The following RFX6 variants were observed in gnomAD, a reference collection of about 807,000 sequenced individuals.
RFX6 encodes the protein regulatory factor X6, also known as DNA-binding protein RFX6.
Under a neutral mutation model 110.8 loss-of-function variants are expected in RFX6, and 50 were observed. The observed-to-expected ratio is 0.45, with a 90% CI of 0.36 to 0.57. The LOEUF (loss-of-function observed/expected upper bound fraction) is 0.57, where lower values mean the gene tolerates loss of function less well. Among genes scored for constraint, RFX6 ranks in the 20% least tolerant of loss-of-function variants. RFX6 has a pLI of 0.00. For synonymous variants in RFX6, 383 were observed against 411.2 expected, an observed-to-expected ratio of 0.93 and a Z score of 0.83; for missense variants, 990 against 1,127.0, an observed-to-expected ratio of 0.88 and a Z score of 1.74.
In RFX6 at chr6:116,913,548, T is replaced by A. The variant is rs9489065; in HGVS notation, c.781-2460T>A. ...TCTGCTCCTGCCCACTCTAGTACAATGTCTATTCTCAGAAAATTGACTAAG... is the reference window on the plus strand; with the variant it reads ...TCTGCTCCTGCCCACTCTAGTACAAAGTCTATTCTCAGAAAATTGACTAAG... On this transcript the variant is annotated intron_variant, in intron 7 of 18. Coordinates refer to ENST00000332958, the MANE Select transcript of RFX6 (RefSeq NM_173560.4). Among the ~76,000 whole-genome samples the A allele has an allele frequency of 8.3e-4, 126 of 152,154 alleles. No individual in the cohort carries two copies. In the East Asian group the frequency reaches 0.018, roughly 22 times the overall value.
intron 6 of RFX6, among the ~76,000 whole-genome samples, chr6:116,905,501 G>A (rs1337609355): frequency 6.6e-6 from 1 of 151,306 alleles, no homozygotes; most frequent in Non-Finnish European, 1.5e-5. Context: ...CCTTTCTACT[G>A]TGATCATAGT....
At chr6:116,911,481 G>T (rs1303164222) in intron 7 of RFX6, among the ~76,000 whole-genome samples, 16 of 152,136 alleles carry the variant, frequency 1.1e-4, no homozygotes, top group Admixed American at 1.0e-3. Context: ...TATGCTAGAT[G>T]AGCATGAACT....
intron 17 of RFX6, among the ~76,000 whole-genome samples, chr6:116,928,454 C>T (rs1415627586): frequency 6.6e-6 from 1 of 152,104 alleles, no homozygotes; most frequent in Admixed American, 6.5e-5. Context: ...GGAAATCTGA[C>T]AGAAGTGTAA....
chr6:116,888,746 G>C (rs1215954142), intron 4 of RFX6, among the ~76,000 whole-genome samples: 5 of 152,014 alleles, frequency 3.3e-5, no homozygotes, highest in African/African-American at 1.2e-4. Flanking sequence ...ATATCTTCTT[G>C]TTATATTACA....
At chr6:116,888,799 C>T (rs1774756319) in intron 4 of RFX6, among the ~76,000 whole-genome samples, 1 of 152,094 alleles carries the variant, frequency 6.6e-6, no homozygotes, top group African/African-American at 2.4e-5. Context: ...ATTTTAGGGT[C>T]ATCTATTAAC....
chr6:116,931,882 C>A lies in RFX6; in HGVS notation c.*376C>A, dbSNP rs369935191. ...AAGTATATTTAATGCCTTTACAATA[C>A]CTTTAATTTATTAGGATCTCAGAAT... On this transcript the variant is annotated 3_prime_UTR_variant, in exon 19 of 19. Transcript: ENST00000332958. 4 of 184,950 alleles carry A rather than the reference C, an allele frequency of 2.2e-5. No homozygotes were observed. Among genetic ancestry groups the A allele is most frequent in the African/African-American group, 9.6e-5 (4 of 41,872 alleles). The allele number at this position is 184,950 out of a possible 1,614,324, so 11.5% of individuals were successfully genotyped here.
intron 17 of RFX6, among the ~76,000 whole-genome samples, chr6:116,927,900 C>G (rs1775784003): frequency 6.6e-6 from 1 of 151,612 alleles, no homozygotes; most frequent in South Asian, 2.1e-4. Context: ...GCATCACCAT[C>G]CCTGTCTATA....
At chr6:116,917,559 C>A (rs1411381071) in intron 9 of RFX6, among the ~76,000 whole-genome samples, 2 of 152,068 alleles carry the variant, frequency 1.3e-5, no homozygotes, top group Admixed American at 6.6e-5. Context: ...CCAAGAAATA[C>A]TTTTAAAACA....
At chr6:116,897,413 G>T (rs1354319795) in intron 6 of RFX6, among the ~76,000 whole-genome samples, 1 of 151,968 alleles carries the variant, frequency 6.6e-6, no homozygotes, top group Non-Finnish European at 1.5e-5. Context: ...GTCAACTACT[G>T]GCATATGTGA....
At chr6:116,903,497 C>T (rs1345761406) in intron 6 of RFX6, among the ~76,000 whole-genome samples, 2 of 151,902 alleles carry the variant, frequency 1.3e-5, no homozygotes, top group African/African-American at 4.8e-5. Flanking sequence ...AATATGAAAA[C>T]TCAAGCCCTT....
At chr6:116,895,269 A>G (rs1774919562) in intron 6 of RFX6, 62 bp downstream of exon 6, 7 of 900,342 alleles carry the variant, frequency 7.8e-6, no homozygotes, top group African/African-American at 5.0e-5. Flanking sequence ...GCTGAGCAAT[A>G]CATGTTAATT....
intron 4 of RFX6, among the ~76,000 whole-genome samples, chr6:116,893,016 T>A (rs2114671872): frequency 6.6e-6 from 1 of 152,268 alleles, no homozygotes; most frequent in Admixed American, 6.5e-5. Context: ...CAGATGGTGG[T>A]GCTCGGAAAC....
chr6:116,919,093 C>T (rs781032130), intron 10 of RFX6, 44 bp from the exon 11 acceptor site: 20 of 1,528,416 alleles, frequency 1.3e-5, no homozygotes, highest in Non-Finnish European at 1.5e-5. Flanking sequence ...TTGTTTAATG[C>T]ATTTTTTAAC....
At chr6:116,880,477 A>C in intron 2 of RFX6, 67 bp from the exon 3 acceptor site, 1 of 1,469,662 alleles carries the variant, frequency 6.8e-7, no homozygotes, top group East Asian at 2.3e-5. Context: ...ATGGGTAATA[A>C]GTCAATGAGA....
intron 12 of RFX6, among the ~76,000 whole-genome samples, chr6:116,921,565 G>A (rs757795961): frequency 2.6e-5 from 4 of 151,744 alleles, no homozygotes; most frequent in Non-Finnish European, 5.9e-5. Context: ...TTAAAATTTC[G>A]GGCACACTTC....
intron 14 of RFX6, 77 bp from the exon 15 acceptor site, chr6:116,924,592 T>C: frequency 7.6e-7 from 1 of 1,323,738 alleles, no homozygotes; most frequent in Non-Finnish European, 1.1e-6. Flanking sequence ...AACTGACTTC[T>C]CTTTCCCTTT....
At chr6:116,883,503 G>A (rs990181502) in intron 4 of RFX6, among the ~76,000 whole-genome samples, 30 of 152,138 alleles carry the variant, frequency 2.0e-4, no homozygotes, top group African/African-American at 6.3e-4. Context: ...AGGAACAAGC[G>A]AAATTAATTT....
intron 4 of RFX6, among the ~76,000 whole-genome samples, chr6:116,891,921 T>G (rs1002931672): frequency 1.3e-5 from 2 of 152,156 alleles, no homozygotes; most frequent in African/African-American, 4.8e-5. Flanking sequence ...GAGGTTCTTT[T>G]TTTAATCTAC....
Position 116,927,421 on chromosome 6 carries a change from C to T in RFX6, c.2280C>T (p.Ser760=). 3 of 1,614,122 alleles carry T rather than the reference C, an allele frequency of 1.9e-6. No individual in the cohort carries two copies. In the South Asian group the frequency reaches 3.3e-5, roughly 18 times the overall value. ...NSRPPSSYGP[S]LQAQDSHNMQ... ...GGCCACCGTCTAGCTATGGCCCATC[C>T]CTGCAAGCCCAGGATTCACACAATA... Residue 760 remains serine (S), a synonymous_variant, in exon 17 of 19, where the codon TCC becomes TCT. Coordinates refer to ENST00000332958, the MANE Select transcript of RFX6 (RefSeq NM_173560.4).
Sources: gnomAD v4.1 joint callset for allele counts (sites outside exome capture counted in the v4.1 genomes callset) on GRCh38, gnomAD v4.1.1 for gene constraint, MANE v1.5 for transcripts, NCBI Gene and HGNC (gene_info 2026-07-23, HGNC 2026-07-21) for gene names.